Variants in APOL2 observed in about 807,000 individuals in gnomAD.
APOL2 encodes the protein apolipoprotein L2.
A neutral mutation model predicts 7.1 loss-of-function variants in APOL2; 8 were observed. The observed-to-expected ratio is 1.12, with a 90% CI of 0.66 to 2.03. The LOEUF is 2.03. Among genes scored for constraint, APOL2 ranks in the 30% most tolerant of loss-of-function variants. APOL2 has a pLI of 0.00. For synonymous variants in APOL2, 177 were observed against 159.9 expected, an observed-to-expected ratio of 1.11 and a Z score of -0.81; for missense variants, 471 against 415.1, an observed-to-expected ratio of 1.13 and a Z score of -1.17.
chr22:36,228,711 A>G (rs138417665), intron 4 of APOL2, among the ~76,000 whole-genome samples: 2 of 152,342 alleles, frequency 1.3e-5, no homozygotes, highest in East Asian at 3.9e-4. Flanking sequence ...CTTTGTCCTC[A>G]GCTCCTGGGA....
upstream of APOL2, chr22:36,239,665 C>A: frequency 3.1e-6 from 2 of 644,744 alleles, no homozygotes; most frequent in Admixed American, 2.4e-5. Context: ...CAGGCCCAGC[C>A]TCCTTGCTGC....
chr22:36,234,944 C>A (rs1001294), intron 1 of APOL2, among the ~76,000 whole-genome samples: 1 of 152,012 alleles, frequency 6.6e-6, no homozygotes, highest in Non-Finnish European at 1.5e-5. Context: ...TGCCTCTGCA[C>A]CCTCTGCTGC....
rs1264606980 is a variant in APOL2 at position 36,227,229 on chromosome 22, T to G, written c.*175A>C. On this transcript the variant is annotated 3_prime_UTR_variant, in exon 5 of 5. Coordinates refer to ENST00000358502, the MANE Select transcript of APOL2 (RefSeq NM_030882.4). ...TACTCGGGAGACTGAGGCCGGAGAA[T>G]GGTGTGAACCCGGGAGGCGGAGTTT... 2.9e-6 allele frequency: 2 copies of G among 685,126 alleles called. No homozygotes were observed. The highest frequency in any genetic ancestry group is 4.0e-5 in the African/African-American group (2 of 50,150). 42.4% of individuals were successfully genotyped at this position (685,126 alleles called of 1,614,324 possible).
At position 36,233,137 on chromosome 22, in the gene APOL2, G is replaced by A. The variant is rs1473899592; in HGVS notation, c.10+16C>T. On this transcript the variant is annotated intron_variant, in intron 3 of 4. Coordinates refer to ENST00000358502, the MANE Select transcript of APOL2 (RefSeq NM_030882.4). ...GTGCGAGTAGGAACTAGCCAGGAAAGAGGAAGCGAGCCTACCTGGGTTCAT... is the reference window on the plus strand; with the variant it reads ...GTGCGAGTAGGAACTAGCCAGGAAAAAGGAAGCGAGCCTACCTGGGTTCAT... 3 of 1,613,610 alleles carry A rather than the reference G, an allele frequency of 1.9e-6. No individual in the cohort carries two copies. In the African/African-American group the frequency reaches 4.0e-5, roughly 22 times the overall value.
Position 36,227,146 on chromosome 22 carries a change from TC to T in APOL2, c.*257del. On this transcript the variant is annotated 3_prime_UTR_variant, in exon 5 of 5. Coordinates refer to ENST00000358502, the MANE Select transcript of APOL2 (RefSeq NM_030882.4). ...GTGGCTAACACAGTGAAACCCCGTC[TC>T]CAGTGAAAATACAAAAAAATTAGCC... is the stretch of plus-strand genomic sequence containing the variant. The T allele has an allele frequency of 2.8e-6, 1 of 356,192 alleles. No homozygotes were observed. The highest frequency in any genetic ancestry group is 5.0e-6 in the Non-Finnish European group (1 of 198,694). 22.1% of individuals were successfully genotyped at this position (356,192 alleles called of 1,614,324 possible). A position where few individuals can be genotyped will look rare whatever the true frequency, so the allele number is the denominator to read the frequency against.
At chr22:36,231,292 G>A in intron 4 of APOL2, 48 bp downstream of exon 4, 1 of 1,602,956 alleles carries the variant, frequency 6.2e-7, no homozygotes, top group Non-Finnish European at 8.5e-7. Context: ...GGGGAGATCT[G>A]AGTGGCATCG....
intron 1 of APOL2, chr22:36,239,030 G>T: frequency 1.3e-6 from 1 of 797,892 alleles, no homozygotes; most frequent in Non-Finnish European, 1.6e-6. Flanking sequence ...GCCAGCCTGG[G>T]TGTGGCCCGG....
At chr22:36,239,817 T>C (rs990550728), upstream of APOL2, 1 of 399,960 alleles carries the variant, frequency 2.5e-6, no homozygotes, top group Middle Eastern at 6.7e-4. Flanking sequence ...CCTGGGGAGT[T>C]TTTTGAACCC....
intron 1 of APOL2, among the ~76,000 whole-genome samples, chr22:36,238,859 C>T (rs566092547): frequency 5.9e-5 from 9 of 152,312 alleles, no homozygotes; most frequent in South Asian, 2.1e-4. Flanking sequence ...CCTCCTGACA[C>T]GGGACCCTGG....
intron 1 of APOL2, among the ~76,000 whole-genome samples, chr22:36,237,955 G>A (rs1569533035): frequency 6.6e-6 from 1 of 151,954 alleles, no homozygotes; most frequent in Non-Finnish European, 1.5e-5. Context: ...CCCCCCCACT[G>A]TCCCCACCAT....
chr22:36,237,507 C>T (rs1312101377), intron 1 of APOL2: 3 of 486,510 alleles, frequency 6.2e-6, no homozygotes, highest in Non-Finnish European at 8.4e-6. Context: ...CCCCTGGGCT[C>T]AAGTGATCCT....
rs924716308 is a variant in APOL2 at position 36,233,427 on chromosome 22, C to G, written c.-105G>C. On this transcript the variant is annotated 5_prime_UTR_variant, in exon 2 of 5. Transcript: ENST00000358502. ...CTCGTTCCAGCTTCCTCTTCCCTCA[C>G]TCTCACACCAAGGCAGGGTCCTCTT... 47 of 1,551,238 alleles carry G rather than the reference C, an allele frequency of 3.0e-5. No homozygotes were observed. The highest frequency in any genetic ancestry group is 3.7e-5 in the Non-Finnish European group (43 of 1,147,880).
At chr22:36,237,698 G>A (rs114913627) in intron 1 of APOL2, among the ~76,000 whole-genome samples, 8,839 of 152,164 alleles carry the variant, frequency 0.058, 272 homozygotes, top group African/African-American at 0.093. Flanking sequence ...GGCCTCAGCC[G>A]TGGCACTGCA....
At position 36,227,311 on chromosome 22, in the gene APOL2, ATCTC is replaced by A; in HGVS notation, c.*89_*92del. The A allele has an allele frequency of 1.5e-6, 2 of 1,297,260 alleles. No individual in the cohort carries two copies. Among genetic ancestry groups the A allele is most frequent in the Admixed American group, 5.8e-5 (2 of 34,590 alleles). The allele number at this position is 1,297,260 out of a possible 1,614,324, so 80.4% of individuals were successfully genotyped here. A position where few individuals can be genotyped will look rare whatever the true frequency, so the allele number is the denominator to read the frequency against. On this transcript the variant is annotated 3_prime_UTR_variant, in exon 5 of 5. Coordinates refer to ENST00000358502, the MANE Select transcript of APOL2 (RefSeq NM_030882.4). ...ATCCTGGGCGATAGAGCGAGACTCC[ATCTC>A]AAAAAAAAAAAAAAAAAAAAAAAAA...
upstream of APOL2, chr22:36,239,595 T>C: frequency 7.8e-7 from 1 of 1,278,098 alleles, no homozygotes; most frequent in Admixed American, 1.9e-5. Flanking sequence ...AAGTCACAAC[T>C]TCCCAGCAGC....
chr22:36,239,004 G>T, intron 1 of APOL2: 1 of 552,252 alleles, frequency 1.8e-6, no homozygotes, highest in Non-Finnish European at 2.6e-6. Flanking sequence ...TTGGGCTTCA[G>T]CAGCAGCACC....
chr22:36,238,113 C>T (rs2015472982), intron 1 of APOL2, among the ~76,000 whole-genome samples: 1 of 152,142 alleles, frequency 6.6e-6, no homozygotes, highest in Non-Finnish European at 1.5e-5. Flanking sequence ...CCCCTTTAGA[C>T]TCTGAACATT....
chr22:36,237,287 T>C, intron 1 of APOL2: 2 of 1,353,664 alleles, frequency 1.5e-6, no homozygotes, highest in Non-Finnish European at 1.9e-6. Flanking sequence ...ACCTCAGCTC[T>C]GAGCCAAGCT....
At position 36,233,001 on chromosome 22, in the gene APOL2, G is replaced by A. The variant is rs950111732; in HGVS notation, c.10+152C>T. 5.0e-6 allele frequency: 4 copies of A among 798,282 alleles called. No homozygotes were observed. In the East Asian group the frequency reaches 9.8e-5, roughly 20 times the overall value. The allele number at this position is 798,282 out of a possible 1,614,324, so 49.4% of individuals were successfully genotyped here. ...AGATGACCCCCAGACCCCTGGGTCG[G>A]GGGACTCCACGTGACCTCTTCTGCT... On this transcript the variant is annotated intron_variant, in intron 3 of 4. Coordinates refer to ENST00000358502, the MANE Select transcript of APOL2 (RefSeq NM_030882.4).
Sources: gnomAD v4.1 joint callset for allele counts (sites outside exome capture counted in the v4.1 genomes callset) on GRCh38, gnomAD v4.1.1 for gene constraint, MANE v1.5 for transcripts, NCBI Gene and HGNC (gene_info 2026-07-23, HGNC 2026-07-21) for gene names.